MACROD2: variants seen among roughly 807,000 people sequenced by gnomAD.
MACROD2 encodes the protein mono-ADP ribosylhydrolase 2.
A neutral mutation model predicts 70.4 loss-of-function variants in MACROD2; 36 were observed. The observed-to-expected ratio is 0.51, with a 90% CI of 0.39 to 0.68. The LOEUF is 0.68. Among genes scored for constraint, MACROD2 ranks in the 30% least tolerant of loss-of-function variants. The probability of loss-of-function intolerance (pLI) is 0.00; values close to 1 mark genes in which losing one functional copy is unlikely to be tolerated. For synonymous variants in MACROD2, 172 were observed against 178.8 expected, an observed-to-expected ratio of 0.96 and a Z score of 0.30; for missense variants, 496 against 538.4, an observed-to-expected ratio of 0.92 and a Z score of 0.78.
At chr20:16,005,883 ATTG>A (rs1174994986) in intron 15 of MACROD2, among the ~76,000 whole-genome samples, 1 of 151,950 alleles carries the variant, frequency 6.6e-6, no homozygotes, top group Non-Finnish European at 1.5e-5. Flanking sequence ...CTTTTCCCCT[ATTG>A]TTCTCTCAGT....
intron 6 of MACROD2, among the ~76,000 whole-genome samples, chr20:15,330,437 T>C (rs1430901130): frequency 6.6e-6 from 1 of 151,424 alleles, no homozygotes; most frequent in East Asian, 1.9e-4. Context: ...GGATGGAAAA[T>C]GCAGAAGGGC....
At chr20:14,462,005 TA>T (rs1269840513) in intron 3 of MACROD2, among the ~76,000 whole-genome samples, 2 of 151,928 alleles carry the variant, frequency 1.3e-5, no homozygotes, top group South Asian at 4.2e-4. Flanking sequence ...ATATACCCAG[TA>T]ATGTTGGGTA....
intron 5 of MACROD2, among the ~76,000 whole-genome samples, chr20:15,199,450 A>G (rs1412144657): frequency 5.3e-5 from 8 of 152,198 alleles, no homozygotes; most frequent in Admixed American, 5.2e-4. Flanking sequence ...TTGAATTTCC[A>G]TTCTTTCATT....
intron 8 of MACROD2, among the ~76,000 whole-genome samples, chr20:15,823,316 G>GTGTGTGTGTGTGTA (rs139668215): frequency 1.4e-4 from 21 of 148,148 alleles, no homozygotes; most frequent in Non-Finnish European, 2.2e-4. Flanking sequence ...GTGTGTGTGT[G>GTGTGTGTGTGTGTA]TGTGTCTATA....
intron 6 of MACROD2, among the ~76,000 whole-genome samples, chr20:15,259,896 T>C (rs1368321140): frequency 6.6e-6 from 1 of 151,832 alleles, no homozygotes; most frequent in Non-Finnish European, 1.5e-5. Context: ...CTATATATAG[T>C]TTTTCTTCTT....
chr20:15,968,810 TATATATATA>T (rs1190578618), intron 13 of MACROD2, among the ~76,000 whole-genome samples: 1 of 93,702 alleles, frequency 1.1e-5, no homozygotes, highest in Non-Finnish European at 1.8e-5. Context: ...TATATATATA[TATATATATA>T]TATATATATA....
intron 8 of MACROD2, among the ~76,000 whole-genome samples, chr20:15,712,023 C>T (rs552977034): frequency 5.6e-4 from 86 of 152,220 alleles, no homozygotes; most frequent in Middle Eastern, 6.8e-3. Context: ...CTTGGTTATT[C>T]GCTTTGAAAA....
At chr20:15,190,256 C>T (rs2076561422) in intron 5 of MACROD2, among the ~76,000 whole-genome samples, 1 of 152,112 alleles carries the variant, frequency 6.6e-6, no homozygotes, top group African/African-American at 2.4e-5. Flanking sequence ...GTGCAAGCTA[C>T]CTGCCATTCA....
intron 3 of MACROD2, among the ~76,000 whole-genome samples, chr20:14,405,551 A>G (rs1393619312): frequency 6.6e-6 from 1 of 152,078 alleles, no homozygotes; most frequent in Non-Finnish European, 1.5e-5. Flanking sequence ...TGTCACTTGA[A>G]CTCATTAGAA....
At chr20:15,334,677 G>A (rs2078029495) in intron 6 of MACROD2, among the ~76,000 whole-genome samples, 1 of 151,502 alleles carries the variant, frequency 6.6e-6, no homozygotes, top group East Asian at 1.9e-4. Flanking sequence ...GAAGAGCTGG[G>A]CACCATGGAA....
intron 4 of MACROD2, among the ~76,000 whole-genome samples, chr20:14,648,433 T>C (rs960192767): frequency 3.9e-5 from 6 of 152,176 alleles, no homozygotes; most frequent in Non-Finnish European, 8.8e-5. Context: ...AATCTCTGTA[T>C]TAATTTGGAA....
intron 9 of MACROD2, among the ~76,000 whole-genome samples, chr20:15,864,445 GA>G (rs2064465264): frequency 6.6e-6 from 1 of 152,130 alleles, no homozygotes; most frequent in African/African-American, 2.4e-5. Flanking sequence ...GAGATGTTTG[GA>G]AATAATGACA....
intron 3 of MACROD2, among the ~76,000 whole-genome samples, chr20:14,365,359 T>C (rs1238066800): frequency 6.6e-6 from 1 of 151,462 alleles, no homozygotes; most frequent in African/African-American, 2.4e-5. Context: ...ATAATAATGT[T>C]CATAAATAAC....
chr20:15,352,764 A>G lies in MACROD2; in HGVS notation c.541-78641A>G, dbSNP rs376377777. The stretch of plus-strand genomic sequence containing the variant: ...ACTCCCAGTCACAGTTGCTTCAAAG[A>G]GAATAAAATACCTAGGAATCCAACT... On this transcript the variant is annotated intron_variant, in intron 6 of 17. Coordinates refer to ENST00000684519, the MANE Select transcript of MACROD2 (RefSeq NM_001351661.2). Among the ~76,000 whole-genome samples the G allele has an allele frequency of 1.9e-3, 294 of 152,276 alleles. 1 individual carries two copies. Among genetic ancestry groups the G allele is most frequent in the Non-Finnish European group, 3.6e-3 (246 of 68,024 alleles).
chr20:14,020,843 G>C (rs767805628), intron 2 of MACROD2, among the ~76,000 whole-genome samples: 5 of 152,160 alleles, frequency 3.3e-5, no homozygotes, highest in Non-Finnish European at 2.9e-5. Context: ...AGTTAGCTCT[G>C]TGATGGGTTA....
chr20:15,777,793 A>G (rs1292454494), intron 8 of MACROD2, among the ~76,000 whole-genome samples: 1 of 151,948 alleles, frequency 6.6e-6, no homozygotes, highest in East Asian at 1.9e-4. Flanking sequence ...TACAGGCATG[A>G]GCCATCACAC....
intron 6 of MACROD2, among the ~76,000 whole-genome samples, chr20:15,375,916 C>T (rs1316504373): frequency 2.6e-5 from 4 of 152,058 alleles, no homozygotes; most frequent in African/African-American, 7.2e-5. Context: ...CTTTTCCCAA[C>T]GCCTGTTTAC....
At chr20:15,444,938 A>G (rs1471464460) in intron 7 of MACROD2, among the ~76,000 whole-genome samples, 2 of 139,184 alleles carry the variant, frequency 1.4e-5, no homozygotes, top group African/African-American at 5.6e-5. Context: ...TCATATATAA[A>G]CACAAACATT....
chr20:14,063,424 A>G (rs2053713983), intron 2 of MACROD2, among the ~76,000 whole-genome samples: 1 of 152,172 alleles, frequency 6.6e-6, no homozygotes, highest in Admixed American at 6.5e-5. Flanking sequence ...GCACATCCAT[A>G]TGCTGGCTTT....
Sources: gnomAD v4.1 joint callset for allele counts (sites outside exome capture counted in the v4.1 genomes callset) on GRCh38, gnomAD v4.1.1 for gene constraint, MANE v1.5 for transcripts, NCBI Gene and HGNC (gene_info 2026-07-23, HGNC 2026-07-21) for gene names.